The following SPIRE1 variants were observed in gnomAD, a reference collection of about 807,000 sequenced individuals.
The protein encoded by SPIRE1 is spire type actin nucleation factor 1, also known as protein spire homolog 1.
SPIRE1 carries 40 observed loss-of-function variants against 94.1 expected under a neutral mutation model. The ratio of observed to expected loss-of-function variants is 0.43; its 90% CI spans 0.33 to 0.55. The LOEUF (loss-of-function observed/expected upper bound fraction) is 0.55, where lower values mean the gene tolerates loss of function less well. SPIRE1 is among the 20% of genes least tolerant of loss of function. The pLI, the probability that SPIRE1 is intolerant of heterozygous loss-of-function variation, is 0.06. For missense variants in SPIRE1, 838 were observed against 975.2 expected, an observed-to-expected ratio of 0.86 and a Z score of 1.87; for synonymous variants, 376 against 371.7, an observed-to-expected ratio of 1.01 and a Z score of -0.13.
chr18:12,530,961 G>A (rs993880731), intron 4 of SPIRE1, among the ~76,000 whole-genome samples: 6 of 152,202 alleles, frequency 3.9e-5, no homozygotes, highest in South Asian at 4.1e-4. Flanking sequence ...TGCTAGGAAC[G>A]TATCAGAAAA....
At chr18:12,593,546 T>C (rs2036588818) in intron 2 of SPIRE1, among the ~76,000 whole-genome samples, 1 of 152,216 alleles carries the variant, frequency 6.6e-6, no homozygotes, top group Admixed American at 6.5e-5. Context: ...GAATATTTAC[T>C]AAATTCCCGC....
upstream of SPIRE1, among the ~76,000 whole-genome samples, chr18:12,660,776 A>C (rs1302127049): frequency 6.6e-6 from 1 of 152,178 alleles, no homozygotes; most frequent in Non-Finnish European, 1.5e-5. Flanking sequence ...ATTGCCAAGT[A>C]ACAATTCATG....
intron 1 of SPIRE1, among the ~76,000 whole-genome samples, chr18:12,635,982 G>T (rs886336601): frequency 6.6e-6 from 1 of 151,198 alleles, no homozygotes; most frequent in African/African-American, 2.4e-5. Context: ...ACCCACTCCC[G>T]GGTCCAAGTA....
Position 12,452,237 on chromosome 18 carries a change from C to T in SPIRE1, c.2012+18G>A, listed in dbSNP as rs561588673. 1.9e-6 allele frequency: 3 copies of T among 1,613,142 alleles called. No homozygotes were observed. The highest frequency in any genetic ancestry group is 3.3e-5 in the Admixed American group (2 of 60,004). ...TCTTCTGCAAAGGATGGTTTGACAA[C>T]CCAGGCCCCTTGCTCACCTGGCAAT... On this transcript the variant is annotated intron_variant, in intron 16 of 16. Transcript: ENST00000409402.
At chr18:12,487,938 C>T (rs1317409644) in intron 8 of SPIRE1, among the ~76,000 whole-genome samples, 1 of 152,096 alleles carries the variant, frequency 6.6e-6, no homozygotes, top group Non-Finnish European at 1.5e-5. Context: ...ACCTTTGCAT[C>T]AAAGAGAAAA....
At chr18:12,455,236 C>A (rs1227107976) in intron 12 of SPIRE1, among the ~76,000 whole-genome samples, 2 of 152,144 alleles carry the variant, frequency 1.3e-5, no homozygotes, top group African/African-American at 4.8e-5. Flanking sequence ...CCATGCCTGG[C>A]CTGGCCCTGT....
chr18:12,572,325 T>C (rs1342782382), intron 2 of SPIRE1, among the ~76,000 whole-genome samples: 2 of 152,170 alleles, frequency 1.3e-5, no homozygotes, highest in Admixed American at 6.5e-5. Context: ...TTTTTTTTAA[T>C]AGACAGGGTC....
At chr18:12,463,289 G>A (rs2031945591) in intron 12 of SPIRE1, 62 bp downstream of exon 12, 1 of 1,430,782 alleles carries the variant, frequency 7.0e-7, no homozygotes, top group Non-Finnish European at 9.3e-7. Flanking sequence ...TCATAAGAAA[G>A]CTAATGATTC....
At position 12,656,685 on chromosome 18, in the gene SPIRE1, G is replaced by A. The variant is rs2038546562; in HGVS notation, c.337+845C>T. 1.2e-5 allele frequency: 12 copies of A among 982,370 alleles called. No homozygotes were observed. In the South Asian group the frequency reaches 5.7e-4, roughly 46 times the overall value. The allele number at this position is 982,370 out of a possible 1,614,324, so 60.9% of individuals were successfully genotyped here. A position where few individuals can be genotyped will look rare whatever the true frequency, so the allele number is the denominator to read the frequency against. On this transcript the variant is annotated intron_variant, in intron 1 of 16. Transcript: ENST00000409402. ...GAATGAATTAGATAAAAACTGATGGGAGAAACCTTTTCTCAACCTCCTCCT... is the reference window on the plus strand; with the variant it reads ...GAATGAATTAGATAAAAACTGATGGAAGAAACCTTTTCTCAACCTCCTCCT...
At chr18:12,590,363 T>C (rs910720374) in intron 2 of SPIRE1, among the ~76,000 whole-genome samples, 1 of 152,188 alleles carries the variant, frequency 6.6e-6, no homozygotes, top group Non-Finnish European at 1.5e-5. Flanking sequence ...GTGTTGGGAT[T>C]ACAGACGTGA....
At chr18:12,493,572 A>C (rs1437211089) in intron 7 of SPIRE1, among the ~76,000 whole-genome samples, 1 of 151,846 alleles carries the variant, frequency 6.6e-6, no homozygotes, top group Non-Finnish European at 1.5e-5. Flanking sequence ...ATGCCTGGCT[A>C]ATTTTTGTAT....
chr18:12,649,126 G>C (rs955265785), intron 1 of SPIRE1, among the ~76,000 whole-genome samples: 1 of 151,946 alleles, frequency 6.6e-6, no homozygotes. Flanking sequence ...AAAATAAAAA[G>C]TTTGGTCAGG....
intron 5 of SPIRE1, among the ~76,000 whole-genome samples, chr18:12,509,020 A>G (rs1248647275): frequency 2.6e-5 from 4 of 152,278 alleles, no homozygotes; most frequent in African/African-American, 9.6e-5. Context: ...TTGTTTGGTT[A>G]AAAAATTTTA....
At chr18:12,654,976 C>T (rs573608216) in intron 1 of SPIRE1, among the ~76,000 whole-genome samples, 76 of 150,252 alleles carry the variant, frequency 5.1e-4, no homozygotes, top group African/African-American at 1.8e-3. Context: ...TGCAGTGAGC[C>T]AAGACTGTTC....
intron 5 of SPIRE1, among the ~76,000 whole-genome samples, chr18:12,511,031 T>C (rs1200052263): frequency 6.6e-6 from 1 of 152,246 alleles, no homozygotes; most frequent in East Asian, 1.9e-4. Context: ...CAAATCTGTC[T>C]TCTGTTTTAG....
intron 16 of SPIRE1, among the ~76,000 whole-genome samples, chr18:12,451,672 C>CCT (rs2031246262): frequency 6.6e-6 from 1 of 152,224 alleles, no homozygotes; most frequent in East Asian, 1.9e-4. Flanking sequence ...CAAAGCCCAG[C>CCT]CTCTCGGCCC....
chr18:12,526,763 G>A (rs1025820035), intron 4 of SPIRE1, among the ~76,000 whole-genome samples: 3 of 151,700 alleles, frequency 2.0e-5, no homozygotes, highest in African/African-American at 7.3e-5. Flanking sequence ...AGGCTGGAGT[G>A]CAGTGGCATG....
rs1326702893 is a variant in SPIRE1 at position 12,657,667 on chromosome 18, C to T, written c.200G>A (p.Gly67Asp). 15 of 1,348,182 alleles carry T rather than the reference C, an allele frequency of 1.1e-5. No homozygotes were observed. The highest frequency in any genetic ancestry group is 5.6e-5 in the South Asian group (3 of 53,566). 83.5% of individuals were successfully genotyped at this position (1,348,182 alleles called of 1,614,324 possible). ...GCGGCGGGCGGCGGCGCGCAGGGAACCGCAGCACTGGTAGCACACGGCCCA... is the reference window on the plus strand; with the variant it reads ...GCGGCGGGCGGCGGCGCGCAGGGAATCGCAGCACTGGTAGCACACGGCCCA... ...QAWAVCYQCC[G>D]SLRAAARRRQ... Residue 67 changes from glycine to aspartate, a missense_variant, in exon 1 of 17, where the codon GGT becomes GAT. By Grantham distance (94) the Gly-to-Asp change is moderately conservative. Transcript: ENST00000409402.
At chr18:12,638,895 C>A (rs1005637314) in intron 1 of SPIRE1, among the ~76,000 whole-genome samples, 1 of 152,138 alleles carries the variant, frequency 6.6e-6, no homozygotes, top group African/African-American at 2.4e-5. Flanking sequence ...TTTCTGAGGC[C>A]TCCCCAGCCA....
Sources: gnomAD v4.1 joint callset for allele counts (sites outside exome capture counted in the v4.1 genomes callset) on GRCh38, gnomAD v4.1.1 for gene constraint, MANE v1.5 for transcripts, NCBI Gene and HGNC (gene_info 2026-07-23, HGNC 2026-07-21) for gene names.